Variants in TSGA10 observed in about 807,000 individuals in gnomAD.
The protein encoded by TSGA10 is testis specific 10.
A neutral mutation model predicts 96.6 loss-of-function variants in TSGA10; 43 were observed. That is an observed-to-expected ratio of 0.44 (90% CI 0.35 to 0.57). TSGA10 has a LOEUF of 0.57. TSGA10 is among the 20% of genes least tolerant of loss of function. The pLI is 0.01. For synonymous variants in TSGA10, 229 were observed against 269.9 expected, an observed-to-expected ratio of 0.85 and a Z score of 1.48; for missense variants, 703 against 834.4, an observed-to-expected ratio of 0.84 and a Z score of 1.94.
chr2:99,131,654 A>G (rs1428495959), intron 1 of TSGA10, among the ~76,000 whole-genome samples: 1 of 152,176 alleles, frequency 6.6e-6, no homozygotes, highest in Non-Finnish European at 1.5e-5. Context: ...TTCCAATACT[A>G]TATTGAATAG....
intron 14 of TSGA10, 43 bp from the exon 15 acceptor site, chr2:99,069,041 A>C: frequency 9.4e-7 from 1 of 1,058,952 alleles, no homozygotes; most frequent in Non-Finnish European, 1.3e-6. Flanking sequence ...AAAAATAAAA[A>C]ATTTCTATAT....
At chr2:99,024,430 G>A (rs761789697) in intron 17 of TSGA10, among the ~76,000 whole-genome samples, 4 of 151,962 alleles carry the variant, frequency 2.6e-5, no homozygotes, top group East Asian at 1.9e-4. Flanking sequence ...ATGCAATTCC[G>A]TTTGATATAA....
intron 10 of TSGA10, among the ~76,000 whole-genome samples, chr2:99,085,635 G>T (rs1243357043): frequency 8.7e-4 from 69 of 79,248 alleles, no homozygotes; most frequent in Middle Eastern, 6.4e-3. Flanking sequence ...AAAAAAAAAA[G>T]TTGTTTTTTT....
intron 1 of TSGA10, among the ~76,000 whole-genome samples, chr2:99,134,157 T>C (rs114461397): frequency 1.3e-5 from 2 of 152,344 alleles, no homozygotes; most frequent in African/African-American, 2.4e-5. Flanking sequence ...GAAGTCCTCC[T>C]GGATAATATC....
chr2:99,111,490 C>T (rs1450759931), intron 4 of TSGA10, among the ~76,000 whole-genome samples: 1 of 152,120 alleles, frequency 6.6e-6, no homozygotes, highest in Non-Finnish European at 1.5e-5. Flanking sequence ...ATAGCATATT[C>T]ACTTAATGTA....
intron 1 of TSGA10, among the ~76,000 whole-genome samples, chr2:99,152,845 G>A (rs2093706438): frequency 6.6e-6 from 1 of 152,228 alleles, no homozygotes; most frequent in African/African-American, 2.4e-5. Context: ...GGATCCCTGG[G>A]GGGAAAGAGT....
intron 20 of TSGA10, among the ~76,000 whole-genome samples, chr2:99,015,276 A>T (rs2079403911): frequency 6.6e-6 from 1 of 152,204 alleles, no homozygotes; most frequent in South Asian, 2.1e-4. Context: ...ACAGCATATC[A>T]AAAAGATAAT....
At chr2:99,054,906 G>T (rs2083799182) in intron 16 of TSGA10, among the ~76,000 whole-genome samples, 1 of 152,138 alleles carries the variant, frequency 6.6e-6, no homozygotes. Flanking sequence ...GTACACCATT[G>T]GTGGGAATGT....
chr2:99,070,615 C>CA (rs1242962676), intron 14 of TSGA10, among the ~76,000 whole-genome samples: 2 of 151,852 alleles, frequency 1.3e-5, no homozygotes, highest in African/African-American at 4.8e-5. Context: ...CTAAACCAAT[C>CA]AAAAAAATAG....
chr2:99,038,310 C>T (rs1422032461), intron 16 of TSGA10, among the ~76,000 whole-genome samples: 1 of 152,072 alleles, frequency 6.6e-6, no homozygotes, highest in Non-Finnish European at 1.5e-5. Context: ...CATCTCAATA[C>T]TAACATTGAA....
chr2:99,039,107 A>T (rs1223802677), intron 16 of TSGA10, among the ~76,000 whole-genome samples: 1 of 152,126 alleles, frequency 6.6e-6, no homozygotes, highest in Non-Finnish European at 1.5e-5. Flanking sequence ...ATAGTGCCAC[A>T]ACTTATCAAA....
Position 99,105,403 on chromosome 2 carries a change from G to A in TSGA10, c.415C>T (p.His139Tyr). 1.2e-6 allele frequency: 2 copies of A among 1,611,604 alleles called. No individual in the cohort carries two copies. Among genetic ancestry groups the A allele is most frequent in the Non-Finnish European group, 1.7e-6 (2 of 1,179,716 alleles). ...AGCTCCTCTATCCTTTGTTCCAGGT[G>A]AGCCTTCTCATTAAATGCTGTCTCT... Reference protein sequence around the residue: ...AQETAFNEKAHLEQRIEELEC... With the variant: ...AQETAFNEKAYLEQRIEELEC... The change falls in exon 9 of 21, where the codon CAC becomes TAC. Residue 139 changes from histidine to tyrosine, a missense_variant. By Grantham distance (83) the His-to-Tyr change is moderately conservative. Around this residue, in one of 3 missense-constraint regions of TSGA10, gnomAD observed 585 missense variants for 656.8 expected, o/e 0.89. Transcript: ENST00000393483.
At position 99,109,292 on chromosome 2, in the gene TSGA10, A is replaced by C. The variant is rs146692374; in HGVS notation, c.51+97T>G. ...CCCTTTGAAACAGCAATTCACAGCA[A>C]ATCAAAACAAATTATTTTCAAATTA... On this transcript the variant is annotated intron_variant, in intron 6 of 20. Coordinates refer to ENST00000393483, the MANE Select transcript of TSGA10 (RefSeq NM_025244.4). The C allele has an allele frequency of 2.2e-4, 302 of 1,381,590 alleles. No homozygotes were observed. In the East Asian group the frequency reaches 6.2e-3, roughly 28 times the overall value. The allele number at this position is 1,381,590 out of a possible 1,614,324, so 85.6% of individuals were successfully genotyped here.
chr2:99,065,199 T>C (rs560414183), intron 15 of TSGA10, 75 bp from the exon 16 acceptor site: 7 of 1,494,032 alleles, frequency 4.7e-6, no homozygotes, highest in South Asian at 2.7e-5. Flanking sequence ...ATCCAAGTCA[T>C]TGGGAATTCA....
chr2:99,119,037 T>C (rs902566319), intron 2 of TSGA10, among the ~76,000 whole-genome samples: 1 of 152,156 alleles, frequency 6.6e-6, no homozygotes, highest in Non-Finnish European at 1.5e-5. Flanking sequence ...AAGGAGCATC[T>C]GAAATTGCTA....
intron 1 of TSGA10, among the ~76,000 whole-genome samples, chr2:99,134,948 C>CT (rs2093262447): frequency 6.6e-6 from 1 of 152,186 alleles, no homozygotes; most frequent in Non-Finnish European, 1.5e-5. Flanking sequence ...AGATTGCTGC[C>CT]TGTTTCTTCC....
At chr2:99,034,095 G>C (rs1324158942) in intron 17 of TSGA10, among the ~76,000 whole-genome samples, 2 of 152,138 alleles carry the variant, frequency 1.3e-5, no homozygotes, top group African/African-American at 2.4e-5. Context: ...CTTTATCCAT[G>C]CTAGAAGAGG....
intron 1 of TSGA10, among the ~76,000 whole-genome samples, chr2:99,145,496 T>C (rs1424465674): frequency 6.6e-6 from 1 of 151,386 alleles, no homozygotes; most frequent in Non-Finnish European, 1.5e-5. Context: ...AGGCGGAGGC[T>C]GCAGTCACCC....
At position 99,078,572 on chromosome 2, in the gene TSGA10, A is replaced by T. The variant is rs539379493; in HGVS notation, c.882+87T>A. On this transcript the variant is annotated intron_variant, in intron 12 of 20. Transcript: ENST00000393483. ...ACATTTGAGAAAATTCAAATATTTT[A>T]TTCAGATTCTAGTTCTTTTAAACCA... The T allele has an allele frequency of 1.7e-4, 218 of 1,304,198 alleles. No homozygotes were observed. The African/African-American group carries it at 3.0e-3, about 18-fold the overall frequency. The allele number at this position is 1,304,198 out of a possible 1,614,324, so 80.8% of individuals were successfully genotyped here. A position where few individuals can be genotyped will look rare whatever the true frequency, so the allele number is the denominator to read the frequency against.
Sources: allele counts gnomAD v4.1 joint callset (sites outside exome capture counted in the v4.1 genomes callset), GRCh38; gene constraint gnomAD v4.1.1; regional missense constraint gnomAD v4.1.1; transcripts MANE v1.5; gene names NCBI Gene and HGNC (gene_info 2026-07-23, HGNC 2026-07-21).